Variants in MSANTD5 observed in about 807,000 individuals in gnomAD.
MSANTD5 encodes uncharacterized protein MSANTD5.
intron 1 of MSANTD5, among the ~76,000 whole-genome samples, 193 bp from the exon 2 acceptor site, chr5:178,696,374 C>A (rs1459581238): frequency 6.6e-6 from 1 of 151,976 alleles, no homozygotes; most frequent in Non-Finnish European, 1.5e-5. Flanking sequence ...AGGCACGCAC[C>A]ACCACACCTG....
At chr5:178,706,927 C>T in the MSANTD5 span, 1 of 152,148 alleles carries the variant, frequency 6.6e-6, no homozygotes, top group Non-Finnish European at 1.5e-5. Context: ...TCCAGCAATT[C>T]ATCAAAATTA....
intron 1 of MSANTD5, among the ~76,000 whole-genome samples, chr5:178,697,190 C>T (rs1436626028): frequency 6.6e-6 from 1 of 152,188 alleles, no homozygotes; most frequent in African/African-American, 2.4e-5. Context: ...TAAGGTGGCT[C>T]ACGCCTGTAA....
upstream of MSANTD5, among the ~76,000 whole-genome samples, chr5:178,698,382 G>A (rs934524122): frequency 6.6e-6 from 1 of 152,088 alleles, no homozygotes; most frequent in Non-Finnish European, 1.5e-5. Flanking sequence ...AGCATGTGAG[G>A]GAAGCAACTC....
exon 1 of MSANTD5, chr5:178,697,675 CT>C (rs1765434052): frequency 6.6e-6 from 1 of 152,154 alleles, no homozygotes; most frequent in South Asian, 2.1e-4. Flanking sequence ...AACACTGGCA[CT>C]TACTCTCCTC....
upstream of MSANTD5, among the ~76,000 whole-genome samples, chr5:178,700,736 G>A (rs1036364338): frequency 7.4e-6 from 1 of 135,122 alleles, no homozygotes; most frequent in African/African-American, 2.6e-5. Flanking sequence ...CTGAGAGGCT[G>A]AGCTTGGAGA....
At chr5:178,702,269 G>T (rs546073886), upstream of MSANTD5, among the ~76,000 whole-genome samples, 12 of 150,814 alleles carry the variant, frequency 8.0e-5, no homozygotes, top group Admixed American at 5.3e-4. Flanking sequence ...TGCTGGCAGA[G>T]AATACGTGGC....
chr5:178,693,451 A>G (rs911300572), downstream of MSANTD5, among the ~76,000 whole-genome samples: 8 of 151,984 alleles, frequency 5.3e-5, no homozygotes, highest in African/African-American at 1.5e-4. Context: ...GTTCCTTCAG[A>G]TATGTCCGGA....
upstream of MSANTD5, among the ~76,000 whole-genome samples, chr5:178,699,618 C>T (rs1458771503): frequency 6.6e-6 from 1 of 152,152 alleles, no homozygotes; most frequent in Non-Finnish European, 1.5e-5. Flanking sequence ...ACCATGTTGG[C>T]TAGGCTGGTC....
chr5:178,694,298 C>G (rs1765386988), downstream of MSANTD5, among the ~76,000 whole-genome samples: 1 of 127,818 alleles, frequency 7.8e-6, no homozygotes, highest in Non-Finnish European at 1.6e-5. Flanking sequence ...CCTGGGCAAC[C>G]AAGTGAGACT....
the MSANTD5 span, among the ~76,000 whole-genome samples, chr5:178,704,726 G>A: frequency 6.6e-6 from 1 of 152,224 alleles, no homozygotes; most frequent in South Asian, 2.1e-4. Context: ...ATGAGAACCG[G>A]AAGAGTTGCT....
upstream of MSANTD5, among the ~76,000 whole-genome samples, chr5:178,700,219 CA>C (rs1765462306): frequency 6.6e-6 from 1 of 152,168 alleles, no homozygotes; most frequent in Non-Finnish European, 1.5e-5. Context: ...AACTTGGACA[CA>C]GTACATTTCA....
chr5:178,697,376 C>T (rs758290623), intron 1 of MSANTD5, among the ~76,000 whole-genome samples: 1 of 152,108 alleles, frequency 6.6e-6, no homozygotes, highest in Non-Finnish European at 1.5e-5. Context: ...ATGGCCTGAA[C>T]CCGGGAGGCG....
At chr5:178,700,695 G>T (rs931327051), upstream of MSANTD5, among the ~76,000 whole-genome samples, 2 of 116,248 alleles carry the variant, frequency 1.7e-5, no homozygotes, top group Non-Finnish European at 3.9e-5. Flanking sequence ...GAGCTCAGAG[G>T]GTCCCAGGTG....
At chr5:178,704,038 C>T in the MSANTD5 span, among the ~76,000 whole-genome samples, 1 of 150,646 alleles carries the variant, frequency 6.6e-6, no homozygotes, top group Non-Finnish European at 1.5e-5. Context: ...CCCAATTATA[C>T]TGATCTAATT....
At chr5:178,705,979 T>G in the MSANTD5 span, among the ~76,000 whole-genome samples, 2 of 152,040 alleles carry the variant, frequency 1.3e-5, no homozygotes, top group Non-Finnish European at 2.9e-5. Context: ...AAAAAGAGGT[T>G]GTCTTATTTT....
the MSANTD5 span, among the ~76,000 whole-genome samples, chr5:178,705,814 G>A: frequency 5.7e-3 from 873 of 152,174 alleles, 3 homozygotes; most frequent in African/African-American, 0.019. Flanking sequence ...AAACTTAGCT[G>A]GGCGTGGTGG....
intron 1 of MSANTD5, among the ~76,000 whole-genome samples, chr5:178,697,321 G>A (rs1319454140): frequency 6.6e-6 from 1 of 151,598 alleles, no homozygotes; most frequent in African/African-American, 2.4e-5. Flanking sequence ...GGGCGTGGTG[G>A]CGGGCGCCTG....
At chr5:178,697,919 T>C (rs1485437094), upstream of MSANTD5, among the ~76,000 whole-genome samples, 1 of 152,224 alleles carries the variant, frequency 6.6e-6, no homozygotes, top group Admixed American at 6.5e-5. Flanking sequence ...ATTGAATAAC[T>C]GCAACAGGGA....
the MSANTD5 span, among the ~76,000 whole-genome samples, chr5:178,707,472 A>G: frequency 6.7e-6 from 1 of 148,534 alleles, no homozygotes; most frequent in Admixed American, 6.9e-5. Flanking sequence ...TAATCCCAGC[A>G]CTTTGGGAGG....
Sources: allele counts gnomAD v4.1 joint callset (sites outside exome capture counted in the v4.1 genomes callset), GRCh38; gene constraint gnomAD v4.1.1; transcripts MANE v1.5; gene names NCBI Gene and HGNC (gene_info 2026-07-23, HGNC 2026-07-21).